The following UTP4 variants were observed in gnomAD, a reference collection of about 807,000 sequenced individuals.
UTP4 encodes the protein U3 small nucleolar RNA-associated protein 4 homolog.
UTP4 carries 45 observed loss-of-function variants against 82.4 expected under a neutral mutation model. The observed-to-expected ratio is 0.55, with a 90% CI of 0.43 to 0.70. The LOEUF (loss-of-function observed/expected upper bound fraction) is 0.70, where lower values mean the gene tolerates loss of function less well. UTP4 is among the 30% of genes least tolerant of loss of function. The probability of loss-of-function intolerance (pLI) is 0.00; values close to 1 mark genes in which losing one functional copy is unlikely to be tolerated. For synonymous variants in UTP4, 348 were observed against 300.3 expected, an observed-to-expected ratio of 1.16 and a Z score of -1.64; for missense variants, 819 against 858.3, an observed-to-expected ratio of 0.95 and a Z score of 0.57.
chr16:69,160,095 A>T (rs1225309568), intron 12 of UTP4, among the ~76,000 whole-genome samples: 1 of 152,236 alleles, frequency 6.6e-6, no homozygotes, highest in African/African-American at 2.4e-5. Flanking sequence ...CTATTCCTGT[A>T]GTAAGCAGTG....
At chr16:69,165,706 TGTTCCC>T in intron 15 of UTP4, 180 bp downstream of exon 15, 1 of 686,972 alleles carries the variant, frequency 1.5e-6, no homozygotes, top group Non-Finnish European at 2.6e-6. Context: ...CCCTGGTTTG[TGTTCCC>T]ACAGTTCTTC....
intron 2 of UTP4, among the ~76,000 whole-genome samples, chr16:69,135,911 C>T (rs752081623): frequency 6.6e-6 from 1 of 152,134 alleles, no homozygotes; most frequent in African/African-American, 2.4e-5. Context: ...TGCCTGTAAT[C>T]CCAGCTACTC....
At position 69,166,823 on chromosome 16, in the gene UTP4, C is replaced by G. The variant is rs1963714129; in HGVS notation, c.1834-252C>G. ...TCTCTTTGCCTCATACACCCACCCTCTACAGTGTGGCTGCAAGAGTAGCTT... is the reference window on the plus strand; with the variant it reads ...TCTCTTTGCCTCATACACCCACCCTGTACAGTGTGGCTGCAAGAGTAGCTT... On this transcript the variant is annotated intron_variant, in intron 15 of 16. Transcript: ENST00000314423. The G allele has an allele frequency of 5.8e-6, 3 of 519,762 alleles. No individual in the cohort carries two copies. In the East Asian group the frequency reaches 1.0e-4, roughly 18 times the overall value. The allele number at this position is 519,762 out of a possible 1,614,324, so 32.2% of individuals were successfully genotyped here.
intron 13 of UTP4, among the ~76,000 whole-genome samples, 179 bp from the exon 14 acceptor site, chr16:69,162,904 A>G (rs1963600307): frequency 6.6e-6 from 1 of 151,552 alleles, no homozygotes; most frequent in African/African-American, 2.4e-5. Context: ...AAAAAAAAAA[A>G]GAGAAGAAAA....
At chr16:69,165,194 C>G in intron 14 of UTP4, 147 bp from the exon 15 acceptor site, 1 of 590,704 alleles carries the variant, frequency 1.7e-6, no homozygotes, top group Non-Finnish European at 2.8e-6. Flanking sequence ...GACTCCATCT[C>G]AAAAAAAAAA....
intron 2 of UTP4, 76 bp from the exon 3 acceptor site, chr16:69,136,620 C>A: frequency 1.4e-6 from 2 of 1,431,042 alleles, no homozygotes; most frequent in Non-Finnish European, 2.0e-6. Context: ...TTGTTTTTAC[C>A]ATGTTGCCTG....
chr16:69,133,587 A>G lies in UTP4; in HGVS notation c.128A>G (p.Tyr43Cys). 4 of 1,614,192 alleles carry G rather than the reference A, an allele frequency of 2.5e-6. No homozygotes were observed. The highest frequency in any genetic ancestry group is 3.4e-6 in the Non-Finnish European group (4 of 1,180,014). ...CGAACAGATGGCACTGTGGAAATTT[A>G]TAACTTGTCAGCAAACTACTTTCAG... ...VSRTDGTVEI[Y>C]NLSANYFQEK... The change falls in exon 2 of 17, where the codon TAT becomes TGT. Residue 43 changes from tyrosine to cysteine, a missense_variant. Transcript: ENST00000314423.
chr16:69,150,752 T>TTCTGGCTGTTC lies in UTP4; in HGVS notation c.910+47_911-48dup, dbSNP rs747160621. 1.9e-6 allele frequency: 3 copies of TTCTGGCTGTTC among 1,613,826 alleles called. No individual in the cohort carries two copies. In the African/African-American group the frequency reaches 4.0e-5, roughly 22 times the overall value. On this transcript the variant is annotated intron_variant, in intron 7 of 16. Coordinates refer to ENST00000314423, the MANE Select transcript of UTP4 (RefSeq NM_032830.3). ...GAGGCTGCTGCTTTACCCTGCCCAG[T>TTCTGGCTGTTC]TCTGGCTGTTCTCGTGAGGATGACT... is the stretch of plus-strand genomic sequence containing the variant.
At chr16:69,139,007 C>A (rs939570328) in intron 4 of UTP4, 2 of 122,310 alleles carry the variant, frequency 1.6e-5, no homozygotes, top group African/African-American at 6.4e-5. Flanking sequence ...CTTGCTTTGT[C>A]GCCCAGGCTG....
intron 3 of UTP4, 44 bp from the exon 4 acceptor site, chr16:69,137,757 G>A (rs879125546): frequency 1.9e-6 from 2 of 1,080,624 alleles, no homozygotes; most frequent in East Asian, 2.4e-5. Flanking sequence ...CCTATAAAAT[G>A]TTTACTATTG....
intron 5 of UTP4, among the ~76,000 whole-genome samples, chr16:69,141,167 T>G (rs1947858995): frequency 6.6e-6 from 1 of 152,246 alleles, no homozygotes; most frequent in African/African-American, 2.4e-5. Context: ...CGGTGCCTTC[T>G]GACCCACTCC....
chr16:69,163,125 A>G lies in UTP4; in HGVS notation c.1594A>G (p.Met532Val), dbSNP rs778420904. 10 of 1,614,152 alleles carry G rather than the reference A, an allele frequency of 6.2e-6. No individual in the cohort carries two copies. Among genetic ancestry groups the G allele is most frequent in the Non-Finnish European group, 8.5e-6 (10 of 1,180,024 alleles). Residue 532 changes from methionine (M) to valine (V), a missense_variant, in exon 14 of 17, where the codon ATG (methionine) becomes GTG (valine). Transcript: ENST00000314423. ...VPAYNFPVTA[M>V]AIAPNTNNLV... ...TGCTTACAATTTCCCAGTGACTGCT[A>G]TGGCTATTGCCCCCAATACCAACAA... is the stretch of plus-strand genomic sequence containing the variant.
intron 6 of UTP4, among the ~76,000 whole-genome samples, chr16:69,148,162 C>T (rs913288700): frequency 2.6e-4 from 39 of 152,150 alleles, no homozygotes; most frequent in African/African-American, 9.4e-4. Context: ...GGGTTTTCAC[C>T]GTGTTAGCCA....
intron 16 of UTP4, 73 bp downstream of exon 16, chr16:69,167,258 C>T (rs902469643): frequency 8.8e-6 from 9 of 1,021,746 alleles, no homozygotes; most frequent in South Asian, 2.6e-5. Context: ...ACTCCACAAT[C>T]GGAAGATAAG....
chr16:69,165,194 C>CAA (rs111880969), intron 14 of UTP4, 147 bp from the exon 15 acceptor site: 535 of 586,118 alleles, frequency 9.1e-4, no homozygotes, highest in Non-Finnish European at 1.2e-3. Context: ...GACTCCATCT[C>CAA]AAAAAAAAAA....
At chr16:69,141,477 T>G (rs747756337) in intron 5 of UTP4, among the ~76,000 whole-genome samples, 57 of 152,314 alleles carry the variant, frequency 3.7e-4, no homozygotes, top group Non-Finnish European at 6.0e-4. Flanking sequence ...GTGTAGGACC[T>G]GTTTTATTTT....
chr16:69,150,182 T>C (rs1963223492), intron 6 of UTP4, among the ~76,000 whole-genome samples: 1 of 152,238 alleles, frequency 6.6e-6, no homozygotes, highest in African/African-American at 2.4e-5. Flanking sequence ...TAACATGATA[T>C]GAATTTCTTT....
At chr16:69,151,990 T>G (rs982800429) in intron 8 of UTP4, among the ~76,000 whole-genome samples, 3 of 151,252 alleles carry the variant, frequency 2.0e-5, no homozygotes, top group Non-Finnish European at 2.9e-5. Context: ...CATCAGTATC[T>G]TTATACATAT....
intron 4 of UTP4, among the ~76,000 whole-genome samples, chr16:69,138,848 A>G (rs981414988): frequency 5.9e-5 from 9 of 152,082 alleles, no homozygotes; most frequent in Non-Finnish European, 1.2e-4. Context: ...CCTGTGGGCC[A>G]CAGTTTGGTG....
Sources: allele counts gnomAD v4.1 joint callset (sites outside exome capture counted in the v4.1 genomes callset), GRCh38; gene constraint gnomAD v4.1.1; transcripts MANE v1.5; gene names NCBI Gene and HGNC (gene_info 2026-07-23, HGNC 2026-07-21).